Variants in ZNF20 observed in about 807,000 individuals in gnomAD.
The protein encoded by ZNF20 is zinc finger protein KOX13.
ZNF20 carries 9 observed loss-of-function variants against 11.0 expected under a neutral mutation model. The ratio of observed to expected loss-of-function variants is 0.82; its 90% CI spans 0.49 to 1.43. The LOEUF (loss-of-function observed/expected upper bound fraction) is 1.43. ZNF20 is among the 40% of genes most tolerant of loss of function. The pLI is 0.00. For missense variants in ZNF20, 528 were observed against 640.8 expected, an observed-to-expected ratio of 0.82 and a Z score of 1.90; for synonymous variants, 182 against 213.0, an observed-to-expected ratio of 0.85 and a Z score of 1.27.
rs757876426 is a variant in ZNF20, at chr19:12,132,573, A to G, written c.*14T>C. The G allele has an allele frequency of 1.3e-6, 2 of 1,551,204 alleles. No homozygotes were observed. Among genetic ancestry groups the G allele is most frequent in the Admixed American group, 2.1e-5 (1 of 48,334 alleles). On this transcript the variant is annotated 3_prime_UTR_variant, in exon 4 of 4. Coordinates refer to ENST00000334213, the MANE Select transcript of ZNF20 (RefSeq NM_021143.4). ...ACAGAAAGCTTCTCCCGTTGCTTCC[A>G]CTAAAAGGATTTCTCATCTATTAAT...
Position 12,133,562 on chromosome 19 carries a change from G to A in ZNF20, c.624C>T (p.Phe208=). 1 of 1,614,130 alleles carries A rather than the reference G, an allele frequency of 6.2e-7. No individual in the cohort carries two copies. The highest frequency in any genetic ancestry group is 1.1e-5 in the South Asian group (1 of 91,084). ...PYKCKFCGKA[F]YFLNLCLIHE... ...GGATAAGACATAAATTGAGAAAATA[G>A]AAGGCTTTCCCACAAAACTTACATT... is the stretch of plus-strand genomic sequence containing the variant. The change falls in exon 4 of 4, where the codon TTC becomes TTT. Residue 208 remains phenylalanine (F), a synonymous_variant. Coordinates refer to ENST00000334213, the MANE Select transcript of ZNF20 (RefSeq NM_021143.4).
At position 12,139,827 on chromosome 19, in the gene ZNF20, G is replaced by A. The variant is rs1313949799; in HGVS notation, c.3+353C>T. Among the ~76,000 whole-genome samples the A allele has an allele frequency of 6.6e-6, 1 of 152,068 alleles. No homozygotes were observed. Among genetic ancestry groups the A allele is most frequent in the African/African-American group, 2.4e-5 (1 of 41,410 alleles). The stretch of plus-strand genomic sequence containing the variant: ...TTACAAGCATGGTCCACCGCGCCCG[G>A]CCCAAACTCTTTAACAGAAAAAAAA... On this transcript the variant is annotated intron_variant, in intron 1 of 3. Transcript: ENST00000334213. The surrounding 1 kb of genome is among the most constrained non-coding windows in gnomAD (Gnocchi z 4.0).
Position 12,133,063 on chromosome 19 carries a change from C to T in ZNF20, c.1123G>A (p.Gly375Ser), listed in dbSNP as rs1976649852. ...TGAAGTTGTGAAGCACATCTAAAGC[C>T]TTTCCCACACTGCTTACATCCATAG... ...KPYGCKQCGKGFRCASQLQIH... is the reference protein window; with the variant it reads ...KPYGCKQCGKSFRCASQLQIH... The change falls in exon 4 of 4, where the codon GGC (glycine) becomes AGC (serine). Residue 375 changes from glycine (G) to serine (S), a missense_variant. Gly to Ser is a moderately conservative substitution (Grantham distance 56). Transcript: ENST00000334213. The T allele has an allele frequency of 6.2e-7, 1 of 1,614,096 alleles. No homozygotes were observed. The highest frequency in any genetic ancestry group is 8.5e-7 in the Non-Finnish European group (1 of 1,179,996).
Position 12,132,389 on chromosome 19 carries a change from C to T in ZNF20, c.*198G>A. 1.8e-6 allele frequency: 1 copy of T among 554,484 alleles called. No individual in the cohort carries two copies. Among genetic ancestry groups the T allele is most frequent in the Non-Finnish European group, 3.0e-6 (1 of 329,292 alleles). The allele number at this position is 554,484 out of a possible 1,614,324, so 34.3% of individuals were successfully genotyped here. A position where few individuals can be genotyped will look rare whatever the true frequency, so the allele number is the denominator to read the frequency against. ...CCTTCCTTTTCTGTGCCTTTGAAAT[C>T]TCATGCAAGATTGGCTATAGGTGAA... On this transcript the variant is annotated 3_prime_UTR_variant, in exon 4 of 4. Transcript: ENST00000334213.
At position 12,133,293 on chromosome 19, in the gene ZNF20, AT is replaced by A; in HGVS notation, c.892del (p.Ile298PhefsTer6). On this transcript the variant is annotated frameshift_variant, in exon 4 of 4. Coordinates refer to ENST00000334213, the MANE Select transcript of ZNF20 (RefSeq NM_021143.4). LOFTEE classifies it low-confidence loss of function (END_TRUNC). ...AGTGTGAGTCATCTTATGATACTGAATGGAACTGAAAGAAATGAAGACTTTC... is the reference window on the plus strand; with the variant it reads ...AGTGTGAGTCATCTTATGATACTGAAGGAACTGAAAGAAATGAAGACTTTC... ...CGKVFISFSSIQYHKMTHTGE... is the reference protein window; with the variant it reads ...CGKVFISFSSXQYHKMTHTGE... The A allele has an allele frequency of 6.2e-7, 1 of 1,614,198 alleles. No homozygotes were observed. The highest frequency in any genetic ancestry group is 8.5e-7 in the Non-Finnish European group (1 of 1,180,016).
chr19:12,137,218 C>A (rs1217432015), intron 1 of ZNF20: 1 of 152,182 alleles, frequency 6.6e-6, no homozygotes, highest in African/African-American at 2.4e-5. Flanking sequence ...AGGAGAATCG[C>A]TTGAACTCGG....
chr19:12,137,290 A>C (rs1976727536), intron 1 of ZNF20: 1 of 147,726 alleles, frequency 6.8e-6, no homozygotes, highest in South Asian at 2.1e-4. Flanking sequence ...CGACAGAAAG[A>C]GACTGTCTCA....
Position 12,139,069 on chromosome 19 carries a change from C to T in ZNF20, c.3+1111G>A, listed in dbSNP as rs193039848. 3.4e-4 allele frequency among the ~76,000 whole-genome samples: 51 copies of T among 152,230 alleles called. No individual in the cohort carries two copies. The highest frequency in any genetic ancestry group is 5.9e-4 in the Admixed American group (9 of 15,288). On this transcript the variant is annotated intron_variant, in intron 1 of 3. Transcript: ENST00000334213. The surrounding 1 kb of genome is among the most constrained non-coding windows in gnomAD (Gnocchi z 4.0). ...GTGTGTTTAGTGCTATAAGAAACTA[C>T]CTAAGGACACCAAAATCAAACTCAA...
intron 1 of ZNF20, among the ~76,000 whole-genome samples, chr19:12,138,445 C>CAAA (rs34380888): frequency 1.4e-4 from 13 of 89,922 alleles, no homozygotes; most frequent in African/African-American, 4.3e-4. Flanking sequence ...GACTTTCTCT[C>CAAA]AAAAAAAAAA....
At chr19:12,135,965 T>C in intron 1 of ZNF20, 61 bp from the exon 2 acceptor site, 1 of 1,578,732 alleles carries the variant, frequency 6.3e-7, no homozygotes, top group Non-Finnish European at 8.6e-7. Context: ...ACTTTATTCC[T>C]AAGAAGTTCT....
intron 1 of ZNF20, among the ~76,000 whole-genome samples, chr19:12,136,671 G>C (rs777705107): frequency 1.3e-5 from 2 of 151,992 alleles, no homozygotes; most frequent in Non-Finnish European, 2.9e-5. Context: ...TGGGCAACAA[G>C]AGTGAAACTC....
rs747323989 is a variant in ZNF20 at position 12,133,560 on chromosome 19, T to G, written c.626A>C (p.Tyr209Ser). The change falls in exon 4 of 4, where the codon TAT (tyrosine) becomes TCT (serine). Residue 209 changes from tyrosine to serine, a missense_variant. Physicochemically the swap from Tyr to Ser is moderately radical, Grantham distance 144. Coordinates refer to ENST00000334213, the MANE Select transcript of ZNF20 (RefSeq NM_021143.4). ...YKCKFCGKAF[Y>S]FLNLCLIHER... Reference sequence around the variant, plus strand: ...ATGGATAAGACATAAATTGAGAAAATAGAAGGCTTTCCCACAAAACTTACA... The same window carrying G: ...ATGGATAAGACATAAATTGAGAAAAGAGAAGGCTTTCCCACAAAACTTACA... The G allele has an allele frequency of 1.9e-6, 3 of 1,613,994 alleles. No individual in the cohort carries two copies. In the African/African-American group the frequency reaches 4.0e-5, roughly 22 times the overall value.
rs1976764187 is a variant in ZNF20, at chr19:12,139,466, TA to T, written c.3+713del. On this transcript the variant is annotated intron_variant, in intron 1 of 3. Coordinates refer to ENST00000334213, the MANE Select transcript of ZNF20 (RefSeq NM_021143.4). This position sits in a 1 kb window ranked among gnomAD's most constrained non-coding sequence, Gnocchi z 4.0. Reference sequence around the variant, plus strand: ...TGCAATTCTTCTTAAAACTTTCTGGTACCAAAACCACAAATCATGACTGGGC... The same window carrying T: ...TGCAATTCTTCTTAAAACTTTCTGGTCCAAAACCACAAATCATGACTGGGC... 6.6e-6 allele frequency among the ~76,000 whole-genome samples: 1 copy of T among 152,126 alleles called. No individual in the cohort carries two copies. The highest frequency in any genetic ancestry group is 1.5e-5 in the Non-Finnish European group (1 of 68,024).
At position 12,132,671 on chromosome 19, in the gene ZNF20, G is replaced by C; in HGVS notation, c.1515C>G (p.Pro505=). The change falls in exon 4 of 4, where the codon CCC becomes CCG. Residue 505 remains proline (P), a synonymous_variant. Coordinates refer to ENST00000334213, the MANE Select transcript of ZNF20 (RefSeq NM_021143.4). The stretch of plus-strand genomic sequence containing the variant: ...CTTTGCCACATTGCTTGCATTGATA[G>C]GGTTTCTCTCCAGTGTGAGTCCTTT... The part of the protein sequence containing the change: ...YHERTHTGEK[P]YQCKQCGKAF... 6.2e-7 allele frequency: 1 copy of C among 1,614,032 alleles called. No individual in the cohort carries two copies. The highest frequency in any genetic ancestry group is 1.3e-5 in the African/African-American group (1 of 75,010).
At chr19:12,134,777 A>G (rs1224270666) in intron 3 of ZNF20, among the ~76,000 whole-genome samples, 1 of 152,194 alleles carries the variant, frequency 6.6e-6, no homozygotes, top group African/African-American at 2.4e-5. Flanking sequence ...GCTCTACAAG[A>G]TGGTCTGGGT....
rs772740124 is a variant in ZNF20, at chr19:12,132,710, G to A, written c.1476C>T (p.Tyr492=). Residue 492 remains tyrosine, a synonymous_variant, in exon 4 of 4, where the codon TAC becomes TAT. Transcript: ENST00000334213. ...TGTGAGTCCTTTCATGATATCGAATGTAATTGGAAATAAAGGCCTTACCAC... is the reference window on the plus strand; with the variant it reads ...TGTGAGTCCTTTCATGATATCGAATATAATTGGAAATAAAGGCCTTACCAC... ...KHCGKAFISN[Y]IRYHERTHTG... is the part of the protein sequence containing the mutation. 6.8e-6 allele frequency: 11 copies of A among 1,614,012 alleles called. No homozygotes were observed. Among genetic ancestry groups the A allele is most frequent in the Middle Eastern group, 3.3e-4 (2 of 6,062 alleles).
chr19:12,134,300 G>A (rs2145598389), intron 3 of ZNF20, among the ~76,000 whole-genome samples: 1 of 151,910 alleles, frequency 6.6e-6, no homozygotes, highest in Non-Finnish European at 1.5e-5. Flanking sequence ...CTCTAGCCTG[G>A]GTGACAAGGG....
intron 1 of ZNF20, 140 bp from the exon 2 acceptor site, chr19:12,136,044 CT>C: frequency 8.7e-7 from 1 of 1,149,416 alleles, no homozygotes; most frequent in Non-Finnish European, 1.2e-6. Flanking sequence ...TCTGTCTATA[CT>C]CACGTCCTCC....
chr19:12,134,020 T>C, intron 3 of ZNF20, 35 bp from the exon 4 acceptor site: 1 of 1,561,700 alleles, frequency 6.4e-7, no homozygotes, highest in Non-Finnish European at 8.7e-7. Flanking sequence ...TTATTAACGG[T>C]TTGATTAAAA....
Sources: gnomAD v4.1 joint callset for allele counts (sites outside exome capture counted in the v4.1 genomes callset) on GRCh38, gnomAD v4.1.1 for gene constraint, Gnocchi (gnomAD v3.1) non-coding constraint, MANE v1.5 for transcripts, NCBI Gene and HGNC (gene_info 2026-07-23, HGNC 2026-07-21) for gene names.